The following PIP5K1B variants were observed in gnomAD, a reference collection of about 807,000 sequenced individuals.
The protein encoded by PIP5K1B is phosphatidylinositol-4-phosphate 5-kinase type 1 beta.
A neutral mutation model predicts 67.0 loss-of-function variants in PIP5K1B; 42 were observed. That is an observed-to-expected ratio of 0.63 (90% CI 0.49 to 0.81). PIP5K1B has a LOEUF of 0.81. PIP5K1B is among the 30% of genes least tolerant of loss of function. The pLI is 0.00. For missense variants in PIP5K1B, 459 were observed against 646.3 expected (o/e 0.71, Z 3.14); for synonymous variants, 214 against 231.4 (o/e 0.92, Z 0.68).
chr9:68,737,770 C>CTA (rs1454798791), intron 1 of PIP5K1B, among the ~76,000 whole-genome samples: 2 of 152,190 alleles, frequency 1.3e-5, no homozygotes, highest in African/African-American at 4.8e-5. Flanking sequence ...AATTTCTGAA[C>CTA]TATCATCATA....
chr9:69,003,634 C>T (rs1158432239), intron 15 of PIP5K1B, among the ~76,000 whole-genome samples: 1 of 152,094 alleles, frequency 6.6e-6, no homozygotes, highest in East Asian at 1.9e-4. Flanking sequence ...CCCAGATGTT[C>T]AGAAATTCTC....
chr9:68,961,299 G>A (rs1009442243), intron 14 of PIP5K1B, among the ~76,000 whole-genome samples: 2 of 152,080 alleles, frequency 1.3e-5, no homozygotes, highest in Non-Finnish European at 2.9e-5. Flanking sequence ...GGGGATTTTG[G>A]GGAAATGGAG....
At position 68,894,637 on chromosome 9, in the gene PIP5K1B, G is replaced by T. The variant is rs996499672; in HGVS notation, c.770G>T (p.Arg257Leu). Residue 257 changes from arginine to leucine, a missense_variant and splice_region_variant, in exon 8 of 16, where the codon CGG (arginine) becomes CTG (leucine). Coordinates refer to ENST00000265382, the MANE Select transcript of PIP5K1B (RefSeq NM_003558.4). ...ATGAAAACACTTCAGAGAGACTGCC[G>T]GGTAAGGAAGTTTGATTGTTGTGAT... ...ALMKTLQRDC[R>L]VLESFKIMDY... 4 of 1,612,458 alleles carry T rather than the reference G, an allele frequency of 2.5e-6. No individual in the cohort carries two copies. In the Admixed American group the frequency reaches 6.7e-5, roughly 27 times the overall value.
At chr9:68,733,265 A>G (rs1048460085) in intron 1 of PIP5K1B, among the ~76,000 whole-genome samples, 1 of 152,332 alleles carries the variant, frequency 6.6e-6, no homozygotes, top group African/African-American at 2.4e-5. Context: ...TTATTCCTCC[A>G]GTACAATGGT....
intron 5 of PIP5K1B, among the ~76,000 whole-genome samples, chr9:68,874,406 T>G (rs966734112): frequency 6.6e-6 from 1 of 152,222 alleles, no homozygotes; most frequent in Non-Finnish European, 1.5e-5. Context: ...TGTGTGTACA[T>G]GAGCATTCTT....
At chr9:68,953,904 T>C (rs977265431) in intron 14 of PIP5K1B, among the ~76,000 whole-genome samples, 15 of 151,552 alleles carry the variant, frequency 9.9e-5, no homozygotes, top group Admixed American at 5.3e-4. Context: ...AGACTCCCTA[T>C]AGGAGATGCT....
intron 14 of PIP5K1B, among the ~76,000 whole-genome samples, chr9:68,960,759 A>G (rs7038312): frequency 2.0e-5 from 3 of 152,180 alleles, no homozygotes; most frequent in Non-Finnish European, 2.9e-5. Context: ...TATCTGAGGA[A>G]GTAAATAATA....
chr9:68,821,437 C>T (rs111619156), intron 3 of PIP5K1B, among the ~76,000 whole-genome samples: 21 of 152,218 alleles, frequency 1.4e-4, no homozygotes, highest in African/African-American at 4.1e-4. Flanking sequence ...ATGGAAGACT[C>T]GAAGAAATAC....
At chr9:68,987,316 C>A (rs760664979) in intron 14 of PIP5K1B, among the ~76,000 whole-genome samples, 48 of 152,044 alleles carry the variant, frequency 3.2e-4, no homozygotes, top group Admixed American at 3.1e-3. Context: ...ATAATCCCAG[C>A]ACTTTGGGAG....
intron 1 of PIP5K1B, among the ~76,000 whole-genome samples, chr9:68,721,120 G>T (rs1441658812): frequency 1.3e-5 from 2 of 152,182 alleles, no homozygotes; most frequent in African/African-American, 4.8e-5. Flanking sequence ...CCAGACCATC[G>T]ACATCTTGTC....
chr9:68,943,300 T>G (rs1329445286), intron 14 of PIP5K1B, among the ~76,000 whole-genome samples: 1 of 152,096 alleles, frequency 6.6e-6, no homozygotes, highest in Non-Finnish European at 1.5e-5. Context: ...GCTTTTAGCC[T>G]TGATGTGTAC....
chr9:68,926,277 A>G (rs1826695983), intron 12 of PIP5K1B, among the ~76,000 whole-genome samples: 1 of 152,104 alleles, frequency 6.6e-6, no homozygotes, highest in Non-Finnish European at 1.5e-5. Context: ...TCTTAGGGGC[A>G]TATAAATTAA....
intron 2 of PIP5K1B, among the ~76,000 whole-genome samples, chr9:68,814,062 G>T (rs1398774606): frequency 6.6e-6 from 1 of 152,176 alleles, no homozygotes; most frequent in Non-Finnish European, 1.5e-5. Flanking sequence ...CCTTGATGGG[G>T]AGCTGGAGGA....
chr9:69,001,362 A>C (rs1830818307), intron 15 of PIP5K1B, among the ~76,000 whole-genome samples: 1 of 151,908 alleles, frequency 6.6e-6, no homozygotes, highest in Non-Finnish European at 1.5e-5. Flanking sequence ...CACATTTTTC[A>C]AATGTGGCTG....
chr9:68,897,019 G>A (rs1163257723), intron 8 of PIP5K1B, among the ~76,000 whole-genome samples: 4 of 152,104 alleles, frequency 2.6e-5, no homozygotes, highest in Admixed American at 6.5e-5. Flanking sequence ...CAACTCACTG[G>A]ATGATTGCAA....
intron 14 of PIP5K1B, among the ~76,000 whole-genome samples, chr9:68,967,563 G>A (rs1039547065): frequency 6.6e-6 from 1 of 152,110 alleles, no homozygotes; most frequent in Non-Finnish European, 1.5e-5. Context: ...ATGAAATACA[G>A]CAGCTCAGAG....
intron 2 of PIP5K1B, among the ~76,000 whole-genome samples, chr9:68,775,800 T>C (rs751087688): frequency 1.3e-5 from 2 of 152,218 alleles, no homozygotes; most frequent in African/African-American, 2.4e-5. Flanking sequence ...AGTGTATGTA[T>C]TCTTTTGTAC....
intron 14 of PIP5K1B, among the ~76,000 whole-genome samples, chr9:68,952,744 G>A (rs1209063848): frequency 6.6e-6 from 1 of 151,834 alleles, no homozygotes. Flanking sequence ...GAGAAATCCA[G>A]TGCTGTTCTG....
chr9:68,862,788 T>C (rs1269936901), intron 4 of PIP5K1B, among the ~76,000 whole-genome samples: 4 of 145,584 alleles, frequency 2.7e-5, no homozygotes, highest in Non-Finnish European at 1.5e-5. Context: ...TAAGATGCTG[T>C]CTCAAAAAAA....
Sources: gnomAD v4.1 joint callset for allele counts (sites outside exome capture counted in the v4.1 genomes callset) on GRCh38, gnomAD v4.1.1 for gene constraint, MANE v1.5 for transcripts, NCBI Gene and HGNC (gene_info 2026-07-23, HGNC 2026-07-21) for gene names.